Variants in DACH1 observed in about 807,000 individuals in gnomAD.
DACH1 encodes dachshund homolog 1.
DACH1 carries 12 observed loss-of-function variants against 54.2 expected under a neutral mutation model. The observed-to-expected ratio is 0.22, with a 90% CI of 0.14 to 0.36. The LOEUF is 0.36. Among genes scored for constraint, DACH1 ranks in the 10% least tolerant of loss-of-function variants. DACH1 has a pLI of 1.00. For synonymous variants in DACH1, 386 were observed against 366.2 expected, an observed-to-expected ratio of 1.05 and a Z score of -0.62; for missense variants, 805 against 929.8, an observed-to-expected ratio of 0.87 and a Z score of 1.75.
chr13:71,443,429 A>G (rs1402576170), intron 10 of DACH1, among the ~76,000 whole-genome samples: 3 of 152,104 alleles, frequency 2.0e-5, no homozygotes, highest in Non-Finnish European at 4.4e-5. Flanking sequence ...CCCCATCTCT[A>G]TTAAAAAATA....
At chr13:71,598,478 C>G (rs1447360814) in intron 3 of DACH1, among the ~76,000 whole-genome samples, 1 of 152,140 alleles carries the variant, frequency 6.6e-6, no homozygotes, top group Non-Finnish European at 1.5e-5. Context: ...TGGTCTCGAA[C>G]TCCTGACCCC....
intron 1 of DACH1, among the ~76,000 whole-genome samples, chr13:71,793,247 G>A (rs893808791): frequency 6.6e-6 from 1 of 152,116 alleles, no homozygotes; most frequent in Non-Finnish European, 1.5e-5. Context: ...ATACTTTAAG[G>A]ATGTTAGAAC....
intron 1 of DACH1, among the ~76,000 whole-genome samples, chr13:71,792,270 T>G (rs976792738): frequency 6.6e-6 from 1 of 151,472 alleles, no homozygotes; most frequent in Non-Finnish European, 1.5e-5. Flanking sequence ...AAATAAATAA[T>G]TAAGTATAAT....
At chr13:71,696,442 CTG>C (rs1203188597) in intron 1 of DACH1, among the ~76,000 whole-genome samples, 1 of 152,098 alleles carries the variant, frequency 6.6e-6, no homozygotes, top group African/African-American at 2.4e-5. Context: ...CCAGGCCTGT[CTG>C]TGCAAAAGTC....
intron 10 of DACH1, among the ~76,000 whole-genome samples, chr13:71,445,308 C>A (rs977836877): frequency 2.0e-5 from 3 of 152,008 alleles, no homozygotes; most frequent in Non-Finnish European, 4.4e-5. Context: ...GTAAAATATA[C>A]CAGTAATAAG....
At chr13:71,576,043 G>A (rs1269123608) in intron 3 of DACH1, among the ~76,000 whole-genome samples, 3 of 150,386 alleles carry the variant, frequency 2.0e-5, no homozygotes, top group African/African-American at 5.0e-5. Flanking sequence ...ATATTAGCAC[G>A]ATATAAACCA....
intron 1 of DACH1, among the ~76,000 whole-genome samples, chr13:71,776,050 A>G (rs1886050295): frequency 6.6e-6 from 1 of 152,158 alleles, no homozygotes; most frequent in African/African-American, 2.4e-5. Context: ...ATTGTTATCA[A>G]AAGTTATTCA....
chr13:71,690,818 G>C (rs1881441598), intron 1 of DACH1, among the ~76,000 whole-genome samples: 1 of 151,988 alleles, frequency 6.6e-6, no homozygotes, highest in South Asian at 2.1e-4. Context: ...TGTAGTCCCA[G>C]CTACTCAAGA....
chr13:71,759,577 A>G (rs1318129274), intron 1 of DACH1, among the ~76,000 whole-genome samples: 3 of 152,176 alleles, frequency 2.0e-5, no homozygotes, highest in Non-Finnish European at 4.4e-5. Context: ...TGATTACTAA[A>G]CCAAGAGAAA....
At chr13:71,442,348 C>G (rs1874079888) in intron 10 of DACH1, among the ~76,000 whole-genome samples, 1 of 152,072 alleles carries the variant, frequency 6.6e-6, no homozygotes, top group Admixed American at 6.6e-5. Context: ...CAGTTTCATC[C>G]ATGTTGCTGT....
intron 6 of DACH1, among the ~76,000 whole-genome samples, chr13:71,509,895 T>G (rs1929203): frequency 6.6e-6 from 1 of 152,046 alleles, no homozygotes; most frequent in African/African-American, 2.4e-5. Context: ...TACTCTGTTA[T>G]CTTATCTTTT....
At chr13:71,552,436 T>C (rs1330792372) in intron 6 of DACH1, among the ~76,000 whole-genome samples, 1 of 151,968 alleles carries the variant, frequency 6.6e-6, no homozygotes. Flanking sequence ...AGGTAAATCG[T>C]ATAATAACAA....
At chr13:71,475,679 T>C in intron 9 of DACH1, 27 bp downstream of exon 9, 3 of 1,586,930 alleles carry the variant, frequency 1.9e-6, no homozygotes, top group Non-Finnish European at 2.6e-6. Context: ...ATGACAGTTA[T>C]TCATGCAATA....
In DACH1 at chr13:71,531,956, G is replaced by A. The variant is rs560141789; in HGVS notation, c.1570+25068C>T. On this transcript the variant is annotated intron_variant, in intron 6 of 10. Coordinates refer to ENST00000613252, the MANE Select transcript of DACH1 (RefSeq NM_080759.6). Reference sequence around the variant, plus strand: ...TGTGTGTATATACATGTGCATGTATGTGTGTATATATATATGTGCATACTA... The same window carrying A: ...TGTGTGTATATACATGTGCATGTATATGTGTATATATATATGTGCATACTA... Among the ~76,000 whole-genome samples the A allele has an allele frequency of 1.6e-4, 25 of 151,942 alleles. No homozygotes were observed. In the South Asian group the frequency reaches 5.0e-3, roughly 30 times the overall value.
chr13:71,732,943 T>G (rs1397032141), intron 1 of DACH1, among the ~76,000 whole-genome samples: 4 of 152,148 alleles, frequency 2.6e-5, no homozygotes, highest in Non-Finnish European at 1.5e-5. Context: ...CATCAATTCC[T>G]TCTCTTGGTT....
Position 71,735,310 on chromosome 13 carries a change from G to A in DACH1, c.849-53400C>T, listed in dbSNP as rs529922311. The stretch of plus-strand genomic sequence containing the variant: ...GGATATACACGTATACGGGATATAC[G>A]TGTATATGGGATATACACGTATACG... On this transcript the variant is annotated intron_variant, in intron 1 of 10. Transcript: ENST00000613252. 8.1e-3 allele frequency among the ~76,000 whole-genome samples: 329 copies of A among 40,854 alleles called. 20 individuals carry two copies. The highest frequency in any genetic ancestry group is 0.019 in the African/African-American group (304 of 16,344). 26.8% of individuals were successfully genotyped at this position (40,854 alleles called of 152,430 possible). A position where few individuals can be genotyped will look rare whatever the true frequency, so the allele number is the denominator to read the frequency against.
At chr13:71,648,631 C>A (rs1367120208) in intron 2 of DACH1, among the ~76,000 whole-genome samples, 1 of 152,126 alleles carries the variant, frequency 6.6e-6, no homozygotes, top group African/African-American at 2.4e-5. Flanking sequence ...GTGTTCCAAT[C>A]CCCTCTCAGT....
chr13:71,552,850 G>T (rs1229725358), intron 6 of DACH1, among the ~76,000 whole-genome samples: 14 of 97,802 alleles, frequency 1.4e-4, no homozygotes, highest in Non-Finnish European at 2.0e-4. Context: ...TATAGAGAGA[G>T]AGAGAGAGAG....
chr13:71,684,369 C>T (rs1881054021), intron 1 of DACH1, among the ~76,000 whole-genome samples: 1 of 152,082 alleles, frequency 6.6e-6, no homozygotes, highest in African/African-American at 2.4e-5. Context: ...ATATTTGGTC[C>T]CTGACGGCTT....
Sources: gnomAD v4.1 joint callset for allele counts (sites outside exome capture counted in the v4.1 genomes callset) on GRCh38, gnomAD v4.1.1 for gene constraint, MANE v1.5 for transcripts, NCBI Gene and HGNC (gene_info 2026-07-23, HGNC 2026-07-21) for gene names.